SEPTIN2: variants seen among roughly 807,000 people sequenced by gnomAD.
SEPTIN2 encodes septin 2.
A neutral mutation model predicts 46.5 loss-of-function variants in SEPTIN2; 34 were observed. The observed-to-expected ratio is 0.73, with a 90% confidence interval of 0.56 to 0.97. SEPTIN2 has a LOEUF of 0.97. SEPTIN2 is among the 50% of genes least tolerant of loss of function. SEPTIN2 has a pLI of 0.00. For synonymous variants in SEPTIN2, 175 were observed against 153.4 expected, an observed-to-expected ratio of 1.14 and a Z score of -1.04; for missense variants, 347 against 448.4, an observed-to-expected ratio of 0.77 and a Z score of 2.04.
chr2:241,318,174 A>G (rs2076649706), intron 1 of SEPTIN2: 2 of 152,168 alleles, frequency 1.3e-5, no homozygotes, highest in Non-Finnish European at 2.9e-5. Flanking sequence ...GGTAAAGTCA[A>G]AGCAAAGTTG....
At chr2:241,350,319 A>G in intron 12 of SEPTIN2, 116 bp downstream of exon 12, 1 of 473,190 alleles carries the variant, frequency 2.1e-6, no homozygotes, top group Non-Finnish European at 3.7e-6. Context: ...AAGTAACTCC[A>G]TCACTAATCT....
intron 9 of SEPTIN2, among the ~76,000 whole-genome samples, chr2:241,344,843 A>G (rs1575372267): frequency 6.6e-6 from 1 of 152,290 alleles, no homozygotes; most frequent in South Asian, 2.1e-4. Context: ...AGGCGGGCGG[A>G]TCACTTGAGG....
At chr2:241,331,897 A>T (rs1326641313) in intron 3 of SEPTIN2, among the ~76,000 whole-genome samples, 1 of 152,242 alleles carries the variant, frequency 6.6e-6, no homozygotes, top group Non-Finnish European at 1.5e-5. Flanking sequence ...GCCAAGAAGT[A>T]GACCCATCAA....
chr2:241,317,960 T>G (rs1222473545), intron 1 of SEPTIN2, among the ~76,000 whole-genome samples: 1 of 152,110 alleles, frequency 6.6e-6, no homozygotes, highest in Non-Finnish European at 1.5e-5. Context: ...TTGCACCCAG[T>G]GTTTAAGTTA....
intron 1 of SEPTIN2, 151 bp downstream of exon 1, chr2:241,316,133 C>G (rs2076170729): frequency 5.2e-6 from 1 of 193,614 alleles, no homozygotes; most frequent in Non-Finnish European, 1.1e-5. Flanking sequence ...CGGCCGAGCC[C>G]AGGCTCTTCG....
intron 7 of SEPTIN2, among the ~76,000 whole-genome samples, chr2:241,340,119 C>T (rs1208813024): frequency 6.6e-6 from 1 of 152,198 alleles, no homozygotes; most frequent in Non-Finnish European, 1.5e-5. Flanking sequence ...TAACAATTTA[C>T]ATTTCCAAAG....
chr2:241,335,888 T>G (rs751046268), intron 4 of SEPTIN2, 87 bp from the exon 5 acceptor site: 2 of 1,550,562 alleles, frequency 1.3e-6, no homozygotes, highest in South Asian at 1.1e-5. Context: ...AGAGAGGCAG[T>G]AGACTCTGAA....
At chr2:241,330,981 C>G (rs113642217) in intron 3 of SEPTIN2, among the ~76,000 whole-genome samples, 52 of 152,296 alleles carry the variant, frequency 3.4e-4, no homozygotes, top group African/African-American at 5.8e-4. Context: ...ACCAGCCCCC[C>G]CAACATGGTA....
intron 10 of SEPTIN2, 89 bp from the exon 11 acceptor site, chr2:241,348,045 C>T (rs2060427132): frequency 1.0e-6 from 1 of 988,842 alleles, no homozygotes; most frequent in Non-Finnish European, 1.6e-6. Flanking sequence ...AAATACATGT[C>T]ATTTTAAATT....
chr2:241,316,325 TTTGGTG>T, intron 1 of SEPTIN2: 1 of 443,676 alleles, frequency 2.3e-6, no homozygotes, highest in East Asian at 3.9e-5. Flanking sequence ...GGTCGGGAGG[TTTGGTG>T]CTTGGAGGGA....
chr2:241,343,295 TC>T (rs1366474863), intron 8 of SEPTIN2, among the ~76,000 whole-genome samples: 3 of 152,138 alleles, frequency 2.0e-5, no homozygotes, highest in Non-Finnish European at 4.4e-5. Flanking sequence ...GGCCAGGAGT[TC>T]CAGACCATCC....
intron 9 of SEPTIN2, 113 bp downstream of exon 9, chr2:241,344,010 C>G: frequency 7.8e-7 from 1 of 1,286,652 alleles, no homozygotes; most frequent in East Asian, 2.3e-5. Context: ...TCATTGCCGC[C>G]CTCAGTGTTT....
Position 241,353,323 on chromosome 2 carries a change from T to G in SEPTIN2, c.*1386T>G, listed in dbSNP as rs2060913152. ...TGTCACCTTTCTTCTTGTGTCTCCTTATGGTACACTCCAGCGGTTGCCTTT... is the reference window on the plus strand; with the variant it reads ...TGTCACCTTTCTTCTTGTGTCTCCTGATGGTACACTCCAGCGGTTGCCTTT... On this transcript the variant is annotated 3_prime_UTR_variant, in exon 13 of 13. Transcript: ENST00000391971. The G allele has an allele frequency of 6.6e-6, 1 of 152,180 alleles. No individual in the cohort carries two copies. Among genetic ancestry groups the G allele is most frequent in the Admixed American group, 6.5e-5 (1 of 15,282 alleles). 9.4% of individuals were successfully genotyped at this position (152,180 alleles called of 1,614,324 possible). A position where few individuals can be genotyped will look rare whatever the true frequency, so the allele number is the denominator to read the frequency against.
At position 241,326,522 on chromosome 2, in the gene SEPTIN2, T is replaced by C. The variant is rs1252388395; in HGVS notation, c.130+409T>C. 5.4e-5 allele frequency among the ~76,000 whole-genome samples: 3 copies of C among 56,030 alleles called. 1 individual carries two copies. The highest frequency in any genetic ancestry group is 1.2e-4 in the Non-Finnish European group (3 of 25,570). The allele number at this position is 56,030 out of a possible 152,430, so 36.8% of individuals were successfully genotyped here. A position where few individuals can be genotyped will look rare whatever the true frequency, so the allele number is the denominator to read the frequency against. ...TTATGGCCCCCCACCTTGCCTCTTC[T>C]CAAATTACTCACTCTGGAGGAAGCC... On this transcript the variant is annotated intron_variant, in intron 3 of 12. Coordinates refer to ENST00000391971, the MANE Select transcript of SEPTIN2 (RefSeq NM_004404.5).
At chr2:241,336,379 A>G (rs1441852891) in intron 5 of SEPTIN2, 2 of 398,770 alleles carry the variant, frequency 5.0e-6, no homozygotes, top group Non-Finnish European at 9.1e-6. Flanking sequence ...GGTGACCGAG[A>G]TACTGTAGTA....
At chr2:241,323,033 T>A (rs1011347659) in intron 1 of SEPTIN2, among the ~76,000 whole-genome samples, 6 of 152,152 alleles carry the variant, frequency 3.9e-5, no homozygotes, top group Admixed American at 1.3e-4. Flanking sequence ...AAAATTTTTT[T>A]AATTTTTTAA....
intron 1 of SEPTIN2, chr2:241,316,831 T>C: frequency 3.2e-6 from 1 of 315,728 alleles, no homozygotes; most frequent in Non-Finnish European, 5.8e-6. Flanking sequence ...CCCAAACTCT[T>C]AAATCTGGCT....
At chr2:241,333,785 G>A (rs1358756559) in intron 3 of SEPTIN2, among the ~76,000 whole-genome samples, 1 of 152,134 alleles carries the variant, frequency 6.6e-6, no homozygotes, top group East Asian at 1.9e-4. Flanking sequence ...TTACAGGCGT[G>A]GGCCACCGCG....
intron 3 of SEPTIN2, among the ~76,000 whole-genome samples, chr2:241,331,810 C>T (rs1334127994): frequency 6.6e-6 from 1 of 152,178 alleles, no homozygotes; most frequent in African/African-American, 2.4e-5. Context: ...ATTACAGTCC[C>T]TGATTTCAAG....
Sources: gnomAD v4.1 joint callset for allele counts (sites outside exome capture counted in the v4.1 genomes callset) on GRCh38, gnomAD v4.1.1 for gene constraint, MANE v1.5 for transcripts, NCBI Gene and HGNC (gene_info 2026-07-23, HGNC 2026-07-21) for gene names.